The following CLPB variants were observed in gnomAD, a reference collection of about 807,000 sequenced individuals.
The protein encoded by CLPB is mitochondrial disaggregase.
In CLPB, 40 loss-of-function variants were observed where a neutral mutation model predicts 78.4. The observed-to-expected ratio is 0.51, with a 90% CI of 0.40 to 0.66. The LOEUF (loss-of-function observed/expected upper bound fraction) is 0.66. Among genes scored for constraint, CLPB ranks in the 30% least tolerant of loss-of-function variants. The probability of loss-of-function intolerance (pLI) is 0.00; values close to 1 mark genes in which losing one functional copy is unlikely to be tolerated. For synonymous variants in CLPB, 333 were observed against 348.0 expected (o/e 0.96, Z 0.48); for missense variants, 780 against 886.9 (o/e 0.88, Z 1.53).
intron 4 of CLPB, among the ~76,000 whole-genome samples, chr11:72,364,498 C>T (rs376469476): frequency 3.3e-5 from 5 of 151,700 alleles, no homozygotes; most frequent in East Asian, 1.9e-4. Context: ...TGAGTCACTG[C>T]GCCCGGCCAA....
chr11:72,410,284 G>C (rs932197086), intron 2 of CLPB, among the ~76,000 whole-genome samples: 1 of 152,126 alleles, frequency 6.6e-6, no homozygotes, highest in African/African-American at 2.4e-5. Flanking sequence ...GTGAGGAGTG[G>C]TGGATGAATG....
At chr11:72,428,231 C>G (rs1280978848) in intron 2 of CLPB, among the ~76,000 whole-genome samples, 2 of 152,168 alleles carry the variant, frequency 1.3e-5, no homozygotes, top group Admixed American at 6.5e-5. Context: ...AGGCCCTCAT[C>G]ATCTTGAATC....
At chr11:72,380,230 T>C (rs1485199399) in intron 4 of CLPB, 51 bp downstream of exon 4, 1 of 1,391,478 alleles carries the variant, frequency 7.2e-7, no homozygotes, top group South Asian at 1.2e-5. Context: ...CAAGGCTGCA[T>C]GAAAGCCACA....
At position 72,295,245 on chromosome 11, in the gene CLPB, T is replaced by C. The variant is rs2298442; in HGVS notation, c.1486+247A>G. 4.6e-5 allele frequency among the ~76,000 whole-genome samples: 7 copies of C among 152,364 alleles called. No individual in the cohort carries two copies. The East Asian group carries it at 9.6e-4, about 21-fold the overall frequency. ...CTGGCCCCCCACCCTGGTGTAGCTC[T>C]GTCCATTCCTGCCTGGAGCCCTCTT... On this transcript the variant is annotated intron_variant, in intron 12 of 15. Transcript: ENST00000538039.
intron 3 of CLPB, among the ~76,000 whole-genome samples, chr11:72,401,724 C>T (rs1012765544): frequency 2.0e-5 from 3 of 152,212 alleles, no homozygotes; most frequent in Admixed American, 6.5e-5. Flanking sequence ...GAAATTGGTA[C>T]CTCCAACTAT....
Position 72,434,237 on chromosome 11 carries a change from T to G in CLPB, c.238A>C (p.Thr80Pro). ...TGGRQGGRFDTKCLAAATWGR... is the reference protein window; with the variant it reads ...TGGRQGGRFDPKCLAAATWGR... ...CAAGTGGCAGCCGCGAGGCATTTGG[T>G]ATCGAAGCGTCCTCCCTGGCGCCCC... The change falls in exon 1 of 16, where the codon ACC becomes CCC. Residue 80 changes from threonine (T) to proline (P), a missense_variant. Physicochemically the swap from Thr to Pro is conservative, Grantham distance 38. Coordinates refer to ENST00000538039, the MANE Select transcript of CLPB (RefSeq NM_001258392.3). 1.2e-6 allele frequency: 2 copies of G among 1,613,488 alleles called. No individual in the cohort carries two copies. The highest frequency in any genetic ancestry group is 2.2e-5 in the East Asian group (1 of 44,870).
At chr11:72,373,153 C>G (rs1951075844) in intron 4 of CLPB, 3 of 636,592 alleles carry the variant, frequency 4.7e-6, no homozygotes, top group African/African-American at 3.6e-5. Context: ...AACCCAGCTT[C>G]TGCCCCACTC....
chr11:72,362,967 G>A (rs1052806787), intron 4 of CLPB, among the ~76,000 whole-genome samples: 1 of 152,062 alleles, frequency 6.6e-6, no homozygotes, highest in African/African-American at 2.4e-5. Flanking sequence ...ACCAGCGTGG[G>A]CAACATGGCG....
intron 6 of CLPB, among the ~76,000 whole-genome samples, chr11:72,327,113 G>A (rs1950146369): frequency 6.6e-6 from 1 of 152,198 alleles, no homozygotes; most frequent in East Asian, 1.9e-4. Flanking sequence ...TCCCTGGACT[G>A]GCTCCAAGTG....
At chr11:72,383,613 C>G (rs1324931789) in intron 3 of CLPB, among the ~76,000 whole-genome samples, 1 of 151,554 alleles carries the variant, frequency 6.6e-6, no homozygotes, top group East Asian at 1.9e-4. Context: ...TAAGGGACTT[C>G]CAATAAGGCT....
chr11:72,304,699 G>A (rs921864377), intron 9 of CLPB, among the ~76,000 whole-genome samples: 4 of 152,252 alleles, frequency 2.6e-5, no homozygotes, highest in African/African-American at 9.6e-5. Flanking sequence ...GGAGGTGTCA[G>A]TGTCTCTTTA....
intron 7 of CLPB, among the ~76,000 whole-genome samples, chr11:72,308,992 C>T (rs933304461): frequency 2.6e-5 from 4 of 152,262 alleles, no homozygotes; most frequent in South Asian, 2.1e-4. Flanking sequence ...GACTACGGGC[C>T]GCCTCCTATG....
intron 2 of CLPB, among the ~76,000 whole-genome samples, chr11:72,423,031 C>T (rs1323669319): frequency 4.6e-5 from 7 of 152,112 alleles, no homozygotes; most frequent in Non-Finnish European, 1.0e-4. Flanking sequence ...GAACTGTAAA[C>T]CAAATCAGAT....
chr11:72,405,872 G>A (rs563299232), intron 2 of CLPB, among the ~76,000 whole-genome samples: 1 of 151,820 alleles, frequency 6.6e-6, no homozygotes, highest in African/African-American at 2.4e-5. Flanking sequence ...AGCTTGCAGT[G>A]AGCTGAGATC....
rs1411010411 is a variant in CLPB, at chr11:72,291,458, C to T, written c.*1909G>A. 2 of 152,120 alleles carry T rather than the reference C, an allele frequency of 1.3e-5. No individual in the cohort carries two copies. Among genetic ancestry groups the T allele is most frequent in the African/African-American group, 2.4e-5 (1 of 41,448 alleles). The allele number at this position is 152,120 out of a possible 1,614,324, so 9.4% of individuals were successfully genotyped here. ...AAGTAGCTGGGATTACAGGTGGGCA[C>T]CAGCGGGCCTGGCTAATTTTTGTAT... On this transcript the variant is annotated 3_prime_UTR_variant, in exon 16 of 16. Coordinates refer to ENST00000538039, the MANE Select transcript of CLPB (RefSeq NM_001258392.3).
chr11:72,407,827 T>G (rs1278269808), intron 2 of CLPB, among the ~76,000 whole-genome samples: 7 of 152,158 alleles, frequency 4.6e-5, no homozygotes, highest in Admixed American at 4.6e-4. Flanking sequence ...TTTGTATTTT[T>G]TAGCAGAGAC....
intron 6 of CLPB, among the ~76,000 whole-genome samples, chr11:72,319,718 T>A (rs982152904): frequency 2.0e-5 from 3 of 152,168 alleles, no homozygotes; most frequent in African/African-American, 7.2e-5. Flanking sequence ...AATGCATTAA[T>A]ATATAAGTTC....
At chr11:72,377,131 A>G (rs1376162144) in intron 4 of CLPB, among the ~76,000 whole-genome samples, 1 of 152,206 alleles carries the variant, frequency 6.6e-6, no homozygotes, top group Non-Finnish European at 1.5e-5. Flanking sequence ...TTTTAGCAAG[A>G]AATATGGGGA....
intron 2 of CLPB, among the ~76,000 whole-genome samples, chr11:72,422,180 G>A (rs1413241005): frequency 6.6e-6 from 1 of 151,370 alleles, no homozygotes; most frequent in Non-Finnish European, 1.5e-5. Context: ...GCAGGAGAAT[G>A]GCGTGAACCC....
Sources: gnomAD v4.1 joint callset for allele counts (sites outside exome capture counted in the v4.1 genomes callset) on GRCh38, gnomAD v4.1.1 for gene constraint, MANE v1.5 for transcripts, NCBI Gene and HGNC (gene_info 2026-07-23, HGNC 2026-07-21) for gene names.